Variants in TDRD3 observed in about 807,000 individuals in gnomAD.
TDRD3 encodes tudor domain containing 3.
In TDRD3, 45 loss-of-function variants were observed where a neutral mutation model predicts 86.7. That is an observed-to-expected ratio of 0.52 (90% CI 0.41 to 0.67). The LOEUF (loss-of-function observed/expected upper bound fraction) is 0.67. Among genes scored for constraint, TDRD3 ranks in the 30% least tolerant of loss-of-function variants. The probability of loss-of-function intolerance (pLI) is 0.00; values close to 1 mark genes in which losing one functional copy is unlikely to be tolerated. For missense variants in TDRD3, 814 were observed against 889.0 expected, an observed-to-expected ratio of 0.92 and a Z score of 1.07; for synonymous variants, 298 against 301.7, an observed-to-expected ratio of 0.99 and a Z score of 0.13.
chr13:60,567,718 C>T, intron 13 of TDRD3, 68 bp downstream of exon 13: 1 of 1,569,170 alleles, frequency 6.4e-7, no homozygotes, highest in South Asian at 1.2e-5. Flanking sequence ...CATATAAGTC[C>T]AATTAGTGAT....
At chr13:60,566,374 C>G (rs1405376867) in intron 12 of TDRD3, among the ~76,000 whole-genome samples, 1 of 151,702 alleles carries the variant, frequency 6.6e-6, no homozygotes, top group Non-Finnish European at 1.5e-5. Flanking sequence ...ATCTTACCAT[C>G]TTTGTTTCCA....
At chr13:60,446,515 C>T (rs77946316) in intron 3 of TDRD3, among the ~76,000 whole-genome samples, 4,302 of 152,238 alleles carry the variant, frequency 0.028, 110 homozygotes, top group Non-Finnish European at 0.043. Context: ...GTGTGAGCCA[C>T]TGTGCCTGGC....
intron 5 of TDRD3, among the ~76,000 whole-genome samples, chr13:60,467,629 A>G (rs976993548): frequency 6.6e-6 from 1 of 152,216 alleles, no homozygotes; most frequent in African/African-American, 2.4e-5. Context: ...AAAACTGTCA[A>G]GATACCAGTT....
At chr13:60,410,787 T>C (rs565527948) in intron 1 of TDRD3, among the ~76,000 whole-genome samples, 326 of 152,340 alleles carry the variant, frequency 2.1e-3, no homozygotes, top group Non-Finnish European at 3.4e-3. Context: ...AAGAGCTGGA[T>C]GTACGTTTTC....
At chr13:60,463,219 A>C (rs1955839584) in intron 4 of TDRD3, among the ~76,000 whole-genome samples, 1 of 152,036 alleles carries the variant, frequency 6.6e-6, no homozygotes, top group Non-Finnish European at 1.5e-5. Flanking sequence ...GAACATGGTG[A>C]AACATGGTGG....
At chr13:60,561,865 TGTTGTTG>T (rs769360552) in intron 12 of TDRD3, among the ~76,000 whole-genome samples, 5 of 141,958 alleles carry the variant, frequency 3.5e-5, no homozygotes, top group Admixed American at 6.9e-5. Flanking sequence ...CCAGGTTTTT[TGTTGTTG>T]TTGTTGTTGT....
chr13:60,409,404 C>T (rs1954306801), intron 1 of TDRD3, among the ~76,000 whole-genome samples: 1 of 152,162 alleles, frequency 6.6e-6, no homozygotes, highest in South Asian at 2.1e-4. Flanking sequence ...TTGCACTGTG[C>T]ACCTGGAAAA....
At chr13:60,412,195 G>A (rs769005545) in intron 1 of TDRD3, among the ~76,000 whole-genome samples, 18 of 152,170 alleles carry the variant, frequency 1.2e-4, no homozygotes, top group Admixed American at 2.0e-4. Flanking sequence ...AACAGAGTTT[G>A]TGGATTGGCA....
At chr13:60,449,104 T>C (rs1955475042) in intron 3 of TDRD3, among the ~76,000 whole-genome samples, 1 of 152,142 alleles carries the variant, frequency 6.6e-6, no homozygotes, top group Middle Eastern at 3.2e-3. Context: ...ACAAGATGGC[T>C]TCACTGCCTT....
chr13:60,544,128 G>A (rs1460884404), intron 12 of TDRD3, among the ~76,000 whole-genome samples: 2 of 150,792 alleles, frequency 1.3e-5, no homozygotes, highest in Non-Finnish European at 3.0e-5. Context: ...TTTTTCTGTC[G>A]TTAAGCTAGC....
At chr13:60,435,998 C>T (rs1201017626) in intron 1 of TDRD3, among the ~76,000 whole-genome samples, 1 of 148,276 alleles carries the variant, frequency 6.7e-6, no homozygotes, top group Non-Finnish European at 1.5e-5. Flanking sequence ...ATTTGCATTT[C>T]CCTGTTGATT....
At chr13:60,440,384 A>C (rs760509438) in intron 2 of TDRD3, among the ~76,000 whole-genome samples, 198 of 152,042 alleles carry the variant, frequency 1.3e-3, no homozygotes, top group Non-Finnish European at 2.4e-3. Flanking sequence ...TGTTTGAAAT[A>C]AAAATGTAAG....
intron 1 of TDRD3, among the ~76,000 whole-genome samples, chr13:60,432,661 C>A (rs1954983061): frequency 6.6e-6 from 1 of 152,132 alleles, no homozygotes; most frequent in Non-Finnish European, 1.5e-5. Flanking sequence ...TAAAAAATAT[C>A]TTTACAACAT....
At chr13:60,421,741 C>A (rs904245016) in intron 1 of TDRD3, among the ~76,000 whole-genome samples, 1 of 151,998 alleles carries the variant, frequency 6.6e-6, no homozygotes, top group Non-Finnish European at 1.5e-5. Context: ...AAAAGCCAGC[C>A]CCATGGTTCC....
chr13:60,444,212 G>T (rs1007669425), intron 2 of TDRD3, among the ~76,000 whole-genome samples: 1 of 151,776 alleles, frequency 6.6e-6, no homozygotes, highest in Admixed American at 6.6e-5. Flanking sequence ...TTGTATCCTG[G>T]GATATTGTAT....
chr13:60,547,476 AC>A, intron 12 of TDRD3: 1 of 916,330 alleles, frequency 1.1e-6, no homozygotes, highest in Non-Finnish European at 1.3e-6. Context: ...GCCACTTACT[AC>A]CTATGTGACT....
intron 1 of TDRD3, among the ~76,000 whole-genome samples, chr13:60,412,397 C>T (rs905530516): frequency 1.3e-5 from 2 of 152,092 alleles, no homozygotes; most frequent in African/African-American, 4.8e-5. Flanking sequence ...AGTGATATCA[C>T]TTATTTTTAG....
At chr13:60,561,467 A>G (rs1958331622) in intron 12 of TDRD3, among the ~76,000 whole-genome samples, 1 of 152,204 alleles carries the variant, frequency 6.6e-6, no homozygotes, top group African/African-American at 2.4e-5. Flanking sequence ...AAAGTGAGGA[A>G]GAGGAAGCCA....
Position 60,466,982 on chromosome 13 carries a change from G to GT in TDRD3, c.354-249dup, listed in dbSNP as rs535856782. ...GCTTCAAATGTGTGTGTGTTTTTTT[G>GT]TTTTTTTGTTTTAAGTTTCAGGGTA... On this transcript the variant is annotated intron_variant, in intron 4 of 13. Transcript: ENST00000377881. Among the ~76,000 whole-genome samples the GT allele has an allele frequency of 2.8e-3, 428 of 151,632 alleles. 2 individuals carry two copies. The highest frequency in any genetic ancestry group is 0.01 in the Middle Eastern group (3 of 294).
Sources: gnomAD v4.1 joint callset for allele counts (sites outside exome capture counted in the v4.1 genomes callset) on GRCh38, gnomAD v4.1.1 for gene constraint, MANE v1.5 for transcripts, NCBI Gene and HGNC (gene_info 2026-07-23, HGNC 2026-07-21) for gene names.